The following YAE1 variants were observed in gnomAD, a reference collection of about 807,000 sequenced individuals.
The protein encoded by YAE1 is YAE1 maturation factor of ABCE1, also known as protein YAE1 homolog.
In YAE1, 22 loss-of-function variants were observed where a neutral mutation model predicts 23.0. That is an observed-to-expected ratio of 0.96 (90% CI 0.68 to 1.37). YAE1 has a LOEUF of 1.37. Ranked by LOEUF, YAE1 falls within the 40% of genes most tolerant of loss-of-function variation. The pLI is 0.00. For missense variants in YAE1, 260 were observed against 262.1 expected (o/e 0.99, Z 0.06); for synonymous variants, 101 against 97.0 (o/e 1.04, Z -0.24).
intron 2 of YAE1, among the ~76,000 whole-genome samples, chr7:39,586,240 TCTGCTCA>T (rs1472712756): frequency 6.6e-6 from 1 of 151,194 alleles, no homozygotes; most frequent in Non-Finnish European, 1.5e-5. Context: ...TGGTGCGAAC[TCTGCTCA>T]CTGCAACCTC....
At chr7:39,585,475 G>GGGCCT (rs1790801627) in intron 2 of YAE1, among the ~76,000 whole-genome samples, 1 of 152,082 alleles carries the variant, frequency 6.6e-6, no homozygotes, top group Non-Finnish European at 1.5e-5. Context: ...CCAAGGAGAG[G>GGGCCT]GGCCTCAGAA....
chr7:39,599,372 T>TTTTTTTG (rs1791021994), intron 2 of YAE1, among the ~76,000 whole-genome samples: 2 of 151,792 alleles, frequency 1.3e-5, no homozygotes, highest in African/African-American at 4.9e-5. Context: ...TTTGTTTTGT[T>TTTTTTTG]TTTTTGTTTT....
intron 2 of YAE1, among the ~76,000 whole-genome samples, chr7:39,600,459 A>G (rs887735476): frequency 2.0e-5 from 3 of 151,912 alleles, no homozygotes; most frequent in Non-Finnish European, 4.4e-5. Flanking sequence ...GTGCAGTGGC[A>G]CTATCTCAGC....
chr7:39,571,632 T>C (rs1002304501), intron 2 of YAE1, among the ~76,000 whole-genome samples: 1 of 152,246 alleles, frequency 6.6e-6, no homozygotes, highest in Non-Finnish European at 1.5e-5. Flanking sequence ...CTGAATCTTT[T>C]ATATCAATGG....
At chr7:39,598,681 G>A (rs1360344521) in intron 2 of YAE1, among the ~76,000 whole-genome samples, 1 of 151,444 alleles carries the variant, frequency 6.6e-6, no homozygotes, top group Admixed American at 6.6e-5. Context: ...TGGGGCTAAG[G>A]CAGGAGGATC....
chr7:39,570,704 T>G lies in YAE1; in HGVS notation c.251+77T>G. On this transcript the variant is annotated intron_variant, in intron 2 of 2. Coordinates refer to ENST00000223273, the MANE Select transcript of YAE1 (RefSeq NM_020192.5). ...GGATGTTTCTGTATAAATAAAGTGTTTAAACTGAAATGCTTTTCCTGGTGC... is the reference window on the plus strand; with the variant it reads ...GGATGTTTCTGTATAAATAAAGTGTGTAAACTGAAATGCTTTTCCTGGTGC... 2.0e-6 allele frequency: 3 copies of G among 1,494,000 alleles called. No individual in the cohort carries two copies. The South Asian group carries it at 4.2e-5, about 21-fold the overall frequency. 92.5% of individuals were successfully genotyped at this position (1,494,000 alleles called of 1,614,324 possible).
chr7:39,572,221 T>G (rs1583668928), intron 2 of YAE1, 56 bp from the exon 3 acceptor site: 1 of 1,491,646 alleles, frequency 6.7e-7, no homozygotes, highest in Non-Finnish European at 9.0e-7. Flanking sequence ...TGAAAGATAG[T>G]CTTATATTTT....
intron 2 of YAE1, among the ~76,000 whole-genome samples, chr7:39,586,508 C>CA (rs1554292142): frequency 7.4e-6 from 1 of 135,670 alleles, no homozygotes; most frequent in East Asian, 2.3e-4. Flanking sequence ...TTCTTTCTTT[C>CA]TTTTTTTTTT....
At chr7:39,575,577 A>AGAGAGAGAGAGAGAGAGAGAGTGT (rs1173016799), downstream of YAE1, among the ~76,000 whole-genome samples, 3 of 80,274 alleles carry the variant, frequency 3.7e-5, no homozygotes, top group East Asian at 6.2e-4. Context: ...AGAGAGAGAG[A>AGAGAGAGAGAGAGAGAGAGAGTGT]GTGAGTGTGT....
At chr7:39,603,650 T>C (rs1791086874) in intron 2 of YAE1, among the ~76,000 whole-genome samples, 1 of 152,202 alleles carries the variant, frequency 6.6e-6, no homozygotes, top group Admixed American at 6.5e-5. Context: ...AAAACAAGAA[T>C]ATCTAATGAT....
chr7:39,600,196 A>G (rs1335494409), intron 2 of YAE1, among the ~76,000 whole-genome samples: 1 of 152,130 alleles, frequency 6.6e-6, no homozygotes, highest in Non-Finnish European at 1.5e-5. Flanking sequence ...CTAATATAAA[A>G]CATAACTTTG....
At position 39,581,403 on chromosome 7, in the gene YAE1, A is replaced by G. The variant is rs115984656; in HGVS notation, c.251+10776A>G. Among the ~76,000 whole-genome samples, 585 of 152,340 alleles carry G rather than the reference A, an allele frequency of 3.8e-3. 2 individuals carry two copies. The highest frequency in any genetic ancestry group is 0.013 in the African/African-American group (550 of 41,574). On this transcript the variant is annotated intron_variant, in intron 2 of 2. Coordinates refer to the YAE1 transcript ENST00000432096. ...AATAGTATAATGATAGCTTTTGCCA[A>G]TAAAGCAAAATGACTGAAATTGGGG...
chr7:39,583,352 A>C (rs1790773158), intron 2 of YAE1, among the ~76,000 whole-genome samples: 1 of 150,662 alleles, frequency 6.6e-6, no homozygotes, highest in African/African-American at 2.5e-5. Context: ...TCTGTTTTAA[A>C]AGAGAAAGAC....
chr7:39,593,043 A>G (rs900279018), intron 2 of YAE1, among the ~76,000 whole-genome samples: 1 of 151,544 alleles, frequency 6.6e-6, no homozygotes, highest in Non-Finnish European at 1.5e-5. Context: ...CAGATTGGAT[A>G]ATTTCTATTG....
chr7:39,602,534 A>G (rs547333000), intron 2 of YAE1, among the ~76,000 whole-genome samples: 24 of 152,336 alleles, frequency 1.6e-4, no homozygotes, highest in African/African-American at 5.5e-4. Flanking sequence ...ACAATTACTC[A>G]TTATATGAGC....
chr7:39,566,700 G>A (rs116390844), intron 1 of YAE1, 153 bp downstream of exon 1: 1 of 1,077,968 alleles, frequency 9.3e-7, no homozygotes, highest in Non-Finnish European at 1.3e-6. Context: ...AGGATTTCTC[G>A]ATGGTTACTT....
At chr7:39,594,158 T>C (rs1307223829) in intron 2 of YAE1, among the ~76,000 whole-genome samples, 1 of 152,236 alleles carries the variant, frequency 6.6e-6, no homozygotes, top group Non-Finnish European at 1.5e-5. Flanking sequence ...TCCATTCTTT[T>C]AGCCATGTAT....
At chr7:39,591,093 A>C (rs1790895148) in intron 2 of YAE1, among the ~76,000 whole-genome samples, 1 of 152,244 alleles carries the variant, frequency 6.6e-6, no homozygotes, top group Non-Finnish European at 1.5e-5. Context: ...TTGTGTCTTC[A>C]CATGGTCATC....
chr7:39,598,845 G>C (rs950471928), intron 2 of YAE1, among the ~76,000 whole-genome samples: 2 of 151,084 alleles, frequency 1.3e-5, no homozygotes, highest in African/African-American at 2.4e-5. Flanking sequence ...GAAATTAGAC[G>C]ATAGGTATTA....
Sources: allele counts gnomAD v4.1 joint callset (sites outside exome capture counted in the v4.1 genomes callset), GRCh38; gene constraint gnomAD v4.1.1; transcripts MANE v1.5; gene names NCBI Gene and HGNC (gene_info 2026-07-23, HGNC 2026-07-21).